NRIP1: variants seen among roughly 807,000 people sequenced by gnomAD.
NRIP1 encodes the protein nuclear receptor interacting protein 1.
A neutral mutation model predicts 75.0 loss-of-function variants in NRIP1; 28 were observed. The observed-to-expected ratio is 0.37, with a 90% confidence interval of 0.28 to 0.51. NRIP1 has a LOEUF of 0.51. NRIP1 is among the 20% of genes least tolerant of loss of function. The probability of loss-of-function intolerance (pLI) is 0.92; values close to 1 mark genes in which losing one functional copy is unlikely to be tolerated. For synonymous variants in NRIP1, 526 were observed against 487.6 expected (o/e 1.08, Z -1.04); for missense variants, 1,435 against 1,343.7 (o/e 1.07, Z -1.06).
At chr21:15,038,326 A>G (rs2088879101) in intron 2 of NRIP1, among the ~76,000 whole-genome samples, 1 of 152,108 alleles carries the variant, frequency 6.6e-6, no homozygotes, top group Non-Finnish European at 1.5e-5. Flanking sequence ...CTACAATTAG[A>G]TACCACCTGT....
chr21:15,031,089 GC>G (rs2088667653), intron 2 of NRIP1, among the ~76,000 whole-genome samples: 6 of 44,734 alleles, frequency 1.3e-4, no homozygotes, highest in East Asian at 1.2e-3. Context: ...TCTGGAAGGC[GC>G]TCGGAGGATC....
intron 3 of NRIP1, among the ~76,000 whole-genome samples, chr21:15,012,445 G>GTT (rs1568978946): frequency 2.4e-5 from 2 of 83,544 alleles, no homozygotes; most frequent in Admixed American, 1.6e-4. Flanking sequence ...ACATTATAAT[G>GTT]TCTTTTTTTT....
intron 3 of NRIP1, among the ~76,000 whole-genome samples, chr21:14,979,071 C>T (rs540201818): frequency 6.6e-6 from 1 of 152,298 alleles, no homozygotes; most frequent in South Asian, 2.1e-4. Context: ...TCACTACCTT[C>T]TACTGTTATC....
intron 3 of NRIP1, among the ~76,000 whole-genome samples, chr21:14,995,052 A>C (rs1289960757): frequency 6.6e-6 from 1 of 152,250 alleles, no homozygotes; most frequent in Admixed American, 6.5e-5. Flanking sequence ...AATTATTCCA[A>C]TTTCATACAC....
At chr21:15,047,076 G>A (rs1216896789) in intron 1 of NRIP1, among the ~76,000 whole-genome samples, 2 of 152,122 alleles carry the variant, frequency 1.3e-5, no homozygotes, top group Non-Finnish European at 2.9e-5. Context: ...AAAAATGCCC[G>A]AGACTGGGTA....
At position 14,965,739 on chromosome 21, in the gene NRIP1, C is replaced by T. The variant is rs746094717; in HGVS notation, c.2454G>A (p.Leu818=). 1.4e-5 allele frequency: 23 copies of T among 1,613,846 alleles called. No individual in the cohort carries two copies. The highest frequency in any genetic ancestry group is 1.6e-4 in the Middle Eastern group (1 of 6,084). Residue 818 remains leucine (L), a synonymous_variant, in exon 4 of 4, where the codon CTG becomes CTA. Transcript: ENST00000318948. ...GATTTTGTCTTAGCAATCGACTTAGCAGACCATTCTTGGAGAAAGAAAAAT... is the reference window on the plus strand; with the variant it reads ...GATTTTGTCTTAGCAATCGACTTAGTAGACCATTCTTGGAGAAAGAAAAAT... The part of the protein sequence containing the change: ...PQDFSFSKNG[L]LSRLLRQNQD...
chr21:14,965,629 A>C lies in NRIP1; in HGVS notation c.2564T>G (p.Val855Gly). ...ALLESKNLCM[V>G]PKKRKLYTEP... is the part of the protein sequence containing the mutation. Reference sequence around the variant, plus strand: ...AGTATAAAGCTTCCTTTTCTTAGGGACCATGCAAAGATTCTTTGATTCTAG... The same window carrying C: ...AGTATAAAGCTTCCTTTTCTTAGGGCCCATGCAAAGATTCTTTGATTCTAG... Residue 855 changes from valine to glycine, a missense_variant, in exon 4 of 4, where the codon GTC becomes GGC. Val to Gly is a moderately radical substitution (Grantham distance 109). Transcript: ENST00000318948. 1 of 1,613,248 alleles carries C rather than the reference A, an allele frequency of 6.2e-7. No individual in the cohort carries two copies.
At chr21:15,033,397 TAGTA>T (rs1387713353) in intron 2 of NRIP1, among the ~76,000 whole-genome samples, 4 of 152,068 alleles carry the variant, frequency 2.6e-5, no homozygotes, top group South Asian at 2.1e-4. Context: ...CAGTCAACAA[TAGTA>T]AGTAAGTGGC....
chr21:14,987,208 T>A (rs2087428334), intron 3 of NRIP1, among the ~76,000 whole-genome samples: 2 of 152,218 alleles, frequency 1.3e-5, no homozygotes, highest in Admixed American at 1.3e-4. Context: ...AAGTTTATCA[T>A]TATTAAACGT....
chr21:15,026,499 A>G (rs2088524408), intron 2 of NRIP1, among the ~76,000 whole-genome samples: 1 of 152,228 alleles, frequency 6.6e-6, no homozygotes, highest in Non-Finnish European at 1.5e-5. Flanking sequence ...ATAATTGAGC[A>G]TTCTTTACAT....
intron 3 of NRIP1, among the ~76,000 whole-genome samples, chr21:14,983,390 ACT>A (rs2087300781): frequency 1.3e-5 from 2 of 152,246 alleles, no homozygotes; most frequent in East Asian, 1.9e-4. Flanking sequence ...CAAGGCCCTA[ACT>A]CTCTTCAATT....
chr21:15,000,864 T>A (rs2087834185), intron 3 of NRIP1, among the ~76,000 whole-genome samples: 3 of 152,184 alleles, frequency 2.0e-5, no homozygotes, highest in Non-Finnish European at 4.4e-5. Context: ...GTTCCAAAGT[T>A]CTTTGAAAAC....
chr21:15,015,544 T>C (rs1303725242), intron 2 of NRIP1, among the ~76,000 whole-genome samples: 1 of 152,168 alleles, frequency 6.6e-6, no homozygotes, highest in Non-Finnish European at 1.5e-5. Context: ...AAATACATAT[T>C]ATTATATTTG....
chr21:14,973,843 A>ATT (rs11391044), intron 3 of NRIP1, among the ~76,000 whole-genome samples: 22,350 of 129,746 alleles, frequency 0.17, 2,210 homozygotes, highest in Middle Eastern at 0.25. Context: ...TGCAGAGCTG[A>ATT]TTTTTTTTTT....
intron 1 of NRIP1, among the ~76,000 whole-genome samples, chr21:15,044,148 A>T (rs1442605070): frequency 6.6e-6 from 1 of 152,040 alleles, no homozygotes; most frequent in Non-Finnish European, 1.5e-5. Context: ...TTTTACTATA[A>T]AGATTGTCCC....
chr21:14,970,885 C>T (rs982373255), intron 3 of NRIP1, among the ~76,000 whole-genome samples: 3 of 152,130 alleles, frequency 2.0e-5, no homozygotes, highest in African/African-American at 7.2e-5. Context: ...TGAATTTACA[C>T]ATTTCTGAAT....
chr21:14,971,116 C>CAATTTTTAACTTCAAGAACGAAAAT (rs2086893269), intron 3 of NRIP1, among the ~76,000 whole-genome samples: 2 of 152,138 alleles, frequency 1.3e-5, no homozygotes, highest in African/African-American at 4.8e-5. Flanking sequence ...CATATGAAAA[C>CAATTTTTAACTTCAAGAACGAAAAT]AATTTTTAAC....
chr21:15,034,992 C>G (rs551727642), intron 2 of NRIP1, among the ~76,000 whole-genome samples: 23 of 152,168 alleles, frequency 1.5e-4, no homozygotes, highest in South Asian at 8.3e-4. Context: ...CTCATTTATT[C>G]TGCATAATAT....
At chr21:15,022,368 C>A (rs1191326329) in intron 2 of NRIP1, among the ~76,000 whole-genome samples, 1 of 152,100 alleles carries the variant, frequency 6.6e-6, no homozygotes, top group Non-Finnish European at 1.5e-5. Context: ...GGGAACAATA[C>A]ACACTGGGCC....
Sources: gnomAD v4.1 joint callset for allele counts (sites outside exome capture counted in the v4.1 genomes callset) on GRCh38, gnomAD v4.1.1 for gene constraint, MANE v1.5 for transcripts, NCBI Gene and HGNC (gene_info 2026-07-23, HGNC 2026-07-21) for gene names.